CELF2: variants seen among roughly 807,000 people sequenced by gnomAD.
The protein encoded by CELF2 is CUG triplet repeat RNA-binding protein 2.
In CELF2, 8 loss-of-function variants were observed where a neutral mutation model predicts 62.6. The ratio of observed to expected loss-of-function variants is 0.13; its 90% confidence interval spans 0.07 to 0.23. The LOEUF is 0.23. Among genes scored for constraint, CELF2 ranks in the 10% least tolerant of loss-of-function variants. The pLI is 1.00. For synonymous variants in CELF2, 258 were observed against 250.0 expected (o/e 1.03, Z -0.30); for missense variants, 333 against 671.0 (o/e 0.50, Z 5.56).
the CELF2 span, among the ~76,000 whole-genome samples, chr10:10,530,224 A>G: frequency 6.6e-6 from 1 of 152,178 alleles, no homozygotes; most frequent in African/African-American, 2.4e-5. Context: ...CAAAAGTAAG[A>G]GGAGGAATGA....
At chr10:10,732,994 T>A in the CELF2 span, among the ~76,000 whole-genome samples, 6 of 152,278 alleles carry the variant, frequency 3.9e-5, no homozygotes, top group South Asian at 1.0e-3. Flanking sequence ...TCAGAAGAAA[T>A]CATCAAGCAG....
chr10:10,466,265 A>G, the CELF2 span, among the ~76,000 whole-genome samples: 20 of 152,228 alleles, frequency 1.3e-4, no homozygotes, highest in African/African-American at 4.6e-4. Flanking sequence ...TTCTGTCACT[A>G]TAGATTAATT....
At position 11,035,044 on chromosome 10, in the gene CELF2, G is replaced by C. The variant is rs1042427511; in HGVS notation, c.74+16881G>C. Among the ~76,000 whole-genome samples, 5 of 152,266 alleles carry C rather than the reference G, an allele frequency of 3.3e-5. No homozygotes were observed. The East Asian group carries it at 9.6e-4, about 29-fold the overall frequency. ...TAGTATCCTCCTTTGAATTAAAAGT[G>C]TCCAAGTTTGGATAATAAATTATAC... On this transcript the variant is annotated intron_variant, in intron 1 of 12. Coordinates refer to ENST00000633077, the MANE Select transcript of CELF2 (RefSeq NM_001326342.2).
chr10:11,144,254 C>A (rs1181167767), intron 1 of CELF2, among the ~76,000 whole-genome samples: 2 of 151,996 alleles, frequency 1.3e-5, no homozygotes, highest in African/African-American at 4.8e-5. Context: ...GGAAAAAAAA[C>A]CGTCCCTCTT....
At chr10:11,293,090 C>T (rs1112521) in intron 9 of CELF2, among the ~76,000 whole-genome samples, 3 of 152,194 alleles carry the variant, frequency 2.0e-5, no homozygotes, top group African/African-American at 7.2e-5. Flanking sequence ...ATCCAGAATC[C>T]AGCCAGCACA....
At chr10:10,516,645 G>A in the CELF2 span, among the ~76,000 whole-genome samples, 2 of 151,620 alleles carry the variant, frequency 1.3e-5, no homozygotes, top group Admixed American at 6.6e-5. Context: ...CAAAAGAATT[G>A]CTGGCTTAAT....
In CELF2 at chr10:11,008,796, A is replaced by G. The variant is rs1413480932; in HGVS notation, c.53+3356A>G. ...GTAGTGAGCATATTAGAAATATCCC[A>G]CTTAGATTTCTTTGTATGGAGATTT... On this transcript the variant is annotated intron_variant, in intron 1 of 12. Transcript: ENST00000416382. This position sits in a 1 kb window ranked among gnomAD's most constrained non-coding sequence, Gnocchi z 4.5. Among the ~76,000 whole-genome samples, 3 of 152,234 alleles carry G rather than the reference A, an allele frequency of 2.0e-5. No individual in the cohort carries two copies. The East Asian group carries it at 5.8e-4, about 29-fold the overall frequency.
rs1013601517 is a variant in CELF2 at position 11,296,140 on chromosome 10, C to T, written c.976+7588C>T. Among the ~76,000 whole-genome samples the T allele has an allele frequency of 2.6e-5, 4 of 152,182 alleles. No homozygotes were observed. Among genetic ancestry groups the T allele is most frequent in the Non-Finnish European group, 4.4e-5 (3 of 68,028 alleles). ...TTCATCCCCGGGATGGACAGATCCTCGCGTGCATCTTAGGGCTGCCACTCA... is the reference window on the plus strand; with the variant it reads ...TTCATCCCCGGGATGGACAGATCCTTGCGTGCATCTTAGGGCTGCCACTCA... On this transcript the variant is annotated intron_variant, in intron 9 of 12. Coordinates refer to ENST00000633077, the MANE Select transcript of CELF2 (RefSeq NM_001326342.2). This position sits in a 1 kb window ranked among gnomAD's most constrained non-coding sequence, Gnocchi z 5.0.
intron 1 of CELF2, among the ~76,000 whole-genome samples, chr10:11,149,361 C>T (rs1268436581): frequency 1.3e-5 from 2 of 152,308 alleles, no homozygotes; most frequent in Admixed American, 6.5e-5. Flanking sequence ...TGAGCCACCA[C>T]GCCTGACCTA....
chr10:10,524,923 T>C, the CELF2 span, among the ~76,000 whole-genome samples: 4 of 152,192 alleles, frequency 2.6e-5, no homozygotes, highest in South Asian at 8.3e-4. Flanking sequence ...TGTATGCATA[T>C]ATGTTTCTGA....
the CELF2 span, among the ~76,000 whole-genome samples, chr10:10,669,104 G>A: frequency 6.6e-6 from 1 of 152,212 alleles, no homozygotes; most frequent in Non-Finnish European, 1.5e-5. Flanking sequence ...GCTGAGGAGA[G>A]AGGCAGCTCA....
At chr10:11,086,608 A>AAAAAAC (rs1397709060) in intron 1 of CELF2, among the ~76,000 whole-genome samples, 1 of 130,792 alleles carries the variant, frequency 7.6e-6, no homozygotes, top group Non-Finnish European at 1.6e-5. Flanking sequence ...AAAAAAAAAA[A>AAAAAAC]AACTCCCGAC....
At chr10:10,656,413 C>T in the CELF2 span, among the ~76,000 whole-genome samples, 3 of 133,854 alleles carry the variant, frequency 2.2e-5, no homozygotes, top group Admixed American at 1.5e-4. Context: ...TATAAAGACA[C>T]ATGCACATGT....
chr10:11,311,640 A>G lies in CELF2; in HGVS notation c.977-2499A>G, dbSNP rs1380355668. On this transcript the variant is annotated intron_variant, in intron 9 of 12. Transcript: ENST00000633077. This position sits in a 1 kb window ranked among gnomAD's most constrained non-coding sequence, Gnocchi z 4.7. ...CACTGATTATGAAAAATGACCAATC[A>G]TGTTGATAACATTCTAGAAATGAAA... Among the ~76,000 whole-genome samples the G allele has an allele frequency of 1.3e-5, 2 of 152,222 alleles. No individual in the cohort carries two copies. The highest frequency in any genetic ancestry group is 4.8e-5 in the African/African-American group (2 of 41,468).
chr10:10,564,674 G>GCACA, the CELF2 span, among the ~76,000 whole-genome samples: 1 of 64,330 alleles, frequency 1.6e-5, no homozygotes, highest in Non-Finnish European at 3.1e-5. Context: ...ACACACACAC[G>GCACA]CACACACGCA....
chr10:10,866,381 A>AGGCG (rs1454092472), intron 1 of CELF2, among the ~76,000 whole-genome samples: 6 of 130,336 alleles, frequency 4.6e-5, no homozygotes, highest in African/African-American at 1.5e-4. Context: ...GGAGGCAGGC[A>AGGCG]GATGACTTGA....
chr10:11,041,418 T>C (rs1422452243), intron 1 of CELF2, among the ~76,000 whole-genome samples: 1 of 152,150 alleles, frequency 6.6e-6, no homozygotes, highest in Non-Finnish European at 1.5e-5. Flanking sequence ...TGGCTATGAA[T>C]AATGGTGTTG....
the CELF2 span, among the ~76,000 whole-genome samples, chr10:10,771,591 T>C: frequency 6.6e-6 from 1 of 152,234 alleles, no homozygotes. Context: ...GTTTCCCCCA[T>C]ACTGTTCTCG....
At chr10:10,563,871 ACACT>A in the CELF2 span, among the ~76,000 whole-genome samples, 1 of 152,144 alleles carries the variant, frequency 6.6e-6, no homozygotes, top group South Asian at 2.1e-4. Flanking sequence ...AAAATAGTTA[ACACT>A]CACATTTGTT....
Sources: allele counts gnomAD v4.1 joint callset (sites outside exome capture counted in the v4.1 genomes callset), GRCh38; gene constraint gnomAD v4.1.1; non-coding constraint Gnocchi (gnomAD v3.1); transcripts MANE v1.5; gene names NCBI Gene and HGNC (gene_info 2026-07-23, HGNC 2026-07-21).